The following UGT1A7 variants were observed in gnomAD, a reference collection of about 807,000 sequenced individuals.
UGT1A7 encodes UDP glucuronosyltransferase family 1 member A7.
A neutral mutation model predicts 45.6 loss-of-function variants in UGT1A7; 33 were observed. The observed-to-expected ratio is 0.72, with a 90% CI of 0.55 to 0.97. UGT1A7 has a LOEUF of 0.97. Among genes scored for constraint, UGT1A7 ranks in the 50% least tolerant of loss-of-function variants. UGT1A7 has a pLI of 0.00. For synonymous variants in UGT1A7, 274 were observed against 250.6 expected, an observed-to-expected ratio of 1.09 and a Z score of -0.88; for missense variants, 684 against 666.2, an observed-to-expected ratio of 1.03 and a Z score of -0.29.
chr2:233,684,402 G>A (rs148930228), intron 1 of UGT1A7, among the ~76,000 whole-genome samples: 115 of 152,270 alleles, frequency 7.6e-4, no homozygotes, highest in South Asian at 7.5e-3. Context: ...CCATCACTCA[G>A]GTATTGCCTG....
rs368518074 is a variant in UGT1A7, at chr2:233,743,691, C to A, written c.856-23343C>A. On this transcript the variant is annotated intron_variant, in intron 1 of 4. Coordinates refer to ENST00000373426, the MANE Select transcript of UGT1A7 (RefSeq NM_019077.3). The stretch of plus-strand genomic sequence containing the variant: ...TCGAAGGGCCTGCCGCCTGTGCAGC[C>A]GCCCTCCGCCCCCGCCTCGCCATAG... 5.1e-6 allele frequency: 7 copies of A among 1,367,238 alleles called. No individual in the cohort carries two copies. In the South Asian group the frequency reaches 7.9e-5, roughly 16 times the overall value. 84.7% of individuals were successfully genotyped at this position (1,367,238 alleles called of 1,614,324 possible).
At chr2:233,689,578 A>G (rs1275772555) in intron 1 of UGT1A7, among the ~76,000 whole-genome samples, 1 of 152,200 alleles carries the variant, frequency 6.6e-6, no homozygotes, top group African/African-American at 2.4e-5. Flanking sequence ...CTGATTTGCA[A>G]TTAGCTAAGG....
chr2:233,739,435 C>A (rs1691098956), intron 1 of UGT1A7, among the ~76,000 whole-genome samples: 1 of 152,206 alleles, frequency 6.6e-6, no homozygotes, highest in Admixed American at 6.5e-5. Flanking sequence ...GAGGGCTTTA[C>A]CCTGCAAAGC....
intron 1 of UGT1A7, chr2:233,754,873 T>C (rs763585549): frequency 7.4e-7 from 1 of 1,352,606 alleles, no homozygotes; most frequent in Non-Finnish European, 9.9e-7. Flanking sequence ...CCTCTGCTTC[T>C]GCTTCCCAGG....
rs917335869 is a variant in UGT1A7, at chr2:233,769,898, A to C, written c.1295+1459A>C. 2.9e-6 allele frequency: 1 copy of C among 349,938 alleles called. No individual in the cohort carries two copies. Among genetic ancestry groups the C allele is most frequent in the Non-Finnish European group, 5.1e-6 (1 of 194,280 alleles). The allele number at this position is 349,938 out of a possible 1,614,324, so 21.7% of individuals were successfully genotyped here. Reference sequence around the variant, plus strand: ...AATGAAAAGTCCACATAACCTGAGCATCATGTGCCCAGAGCGTTGGGTGGT... The same window carrying C: ...AATGAAAAGTCCACATAACCTGAGCCTCATGTGCCCAGAGCGTTGGGTGGT... On this transcript the variant is annotated intron_variant, in intron 4 of 4. Transcript: ENST00000373426. The surrounding 1 kb of genome is among the most constrained non-coding windows in gnomAD (Gnocchi z 4.4).
chr2:233,699,035 A>G (rs2075478622), intron 1 of UGT1A7, among the ~76,000 whole-genome samples: 1 of 152,230 alleles, frequency 6.6e-6, no homozygotes, highest in Non-Finnish European at 1.5e-5. Context: ...AGGCAGTCCC[A>G]GATGTCCTGA....
intron 1 of UGT1A7, among the ~76,000 whole-genome samples, chr2:233,735,931 CT>C (rs1190585713): frequency 6.6e-6 from 1 of 152,166 alleles, no homozygotes; most frequent in Non-Finnish European, 1.5e-5. Flanking sequence ...TTCTCTGTGG[CT>C]GCCCTTAACA....
intron 1 of UGT1A7, among the ~76,000 whole-genome samples, chr2:233,687,548 T>A (rs1178051446): frequency 8.0e-6 from 1 of 124,724 alleles, no homozygotes; most frequent in Non-Finnish European, 1.6e-5. Context: ...CTCAAGTAAG[T>A]GGGGGAGCCA....
chr2:233,722,439 G>C (rs1180645142), intron 1 of UGT1A7, among the ~76,000 whole-genome samples: 1 of 152,066 alleles, frequency 6.6e-6, no homozygotes, highest in African/African-American at 2.4e-5. Context: ...TTATTTGATT[G>C]GTCTTCTCAA....
chr2:233,693,250 T>C lies in UGT1A7; in HGVS notation c.855+10458T>C, dbSNP rs139492272. The C allele has an allele frequency of 2.5e-6, 4 of 1,614,198 alleles. No individual in the cohort carries two copies. The African/African-American group carries it at 4.0e-5, about 16-fold the overall frequency. On this transcript the variant is annotated intron_variant, in intron 1 of 4. Coordinates refer to ENST00000373426, the MANE Select transcript of UGT1A7 (RefSeq NM_019077.3). ...CAAGAAAAATCTATCCAGTGCCGTA[T>C]GACCAAGAAGAGCTGAAGAACCGTT...
chr2:233,769,665 G>A lies in UGT1A7; in HGVS notation c.1295+1226G>A. 6.3e-7 allele frequency: 1 copy of A among 1,592,194 alleles called. No individual in the cohort carries two copies. Among genetic ancestry groups the A allele is most frequent in the Non-Finnish European group, 8.6e-7 (1 of 1,169,328 alleles). On this transcript the variant is annotated intron_variant, in intron 4 of 4. Transcript: ENST00000373426. The surrounding 1 kb of genome is among the most constrained non-coding windows in gnomAD (Gnocchi z 4.4). ...TGATGACTGACTTCCCACCTTTGAG[G>A]TGCTAATGTGTGTGTGGTGGCACTG...
At chr2:233,748,449 C>G (rs756497529) in intron 1 of UGT1A7, among the ~76,000 whole-genome samples, 2 of 151,714 alleles carry the variant, frequency 1.3e-5, no homozygotes, top group Non-Finnish European at 2.9e-5. Context: ...GCACAATTTT[C>G]AGGGGAAAGA....
intron 1 of UGT1A7, among the ~76,000 whole-genome samples, chr2:233,694,985 A>T (rs550950022): frequency 2.0e-5 from 3 of 152,288 alleles, no homozygotes; most frequent in Admixed American, 2.0e-4. Context: ...TTATGTTGGG[A>T]ACATTCCCAT....
At position 233,718,978 on chromosome 2, in the gene UGT1A7, C is replaced by G. The variant is rs200639166; in HGVS notation, c.855+36186C>G. 2.5e-6 allele frequency: 4 copies of G among 1,614,214 alleles called. No individual in the cohort carries two copies. Among genetic ancestry groups the G allele is most frequent in the Admixed American group, 3.3e-5 (2 of 60,032 alleles). The stretch of plus-strand genomic sequence containing the variant: ...CGGGAGGCCTTGCGGGAGCTCCATG[C>G]CAGAGGCCACCAGGCGGTGGTCCTC... On this transcript the variant is annotated intron_variant, in intron 1 of 4. Coordinates refer to ENST00000373426, the MANE Select transcript of UGT1A7 (RefSeq NM_019077.3).
chr2:233,770,723 A>G (rs1412747955), intron 4 of UGT1A7: 1 of 152,146 alleles, frequency 6.6e-6, no homozygotes, highest in African/African-American at 2.4e-5. Context: ...AAGGAAGATG[A>G]TATTTAACAT....
At position 233,714,698 on chromosome 2, in the gene UGT1A7, T is replaced by G. The variant is rs28899185; in HGVS notation, c.855+31906T>G. On this transcript the variant is annotated intron_variant, in intron 1 of 4. Transcript: ENST00000373426. ...AATATTATCCTTTCAACATGTGAAC[T>G]GTTTAACGTAGCTTTTTTTGTTGTT... 4.8e-3 allele frequency among the ~76,000 whole-genome samples: 731 copies of G among 152,338 alleles called. 10 individuals are homozygous for G. The highest frequency in any genetic ancestry group is 0.017 in the African/African-American group (696 of 41,576).
chr2:233,715,999 A>C (rs2076482577), intron 1 of UGT1A7, among the ~76,000 whole-genome samples: 1 of 152,184 alleles, frequency 6.6e-6, no homozygotes, highest in African/African-American at 2.4e-5. Flanking sequence ...ACAAAACCCA[A>C]AATGACTTTA....
At chr2:233,697,567 A>T (rs1248890446) in intron 1 of UGT1A7, among the ~76,000 whole-genome samples, 1 of 148,818 alleles carries the variant, frequency 6.7e-6, no homozygotes, top group African/African-American at 2.5e-5. Context: ...GCCTCAATTT[A>T]ATTTATTTTT....
chr2:233,732,507 C>A (rs2125772065), intron 1 of UGT1A7, among the ~76,000 whole-genome samples: 1 of 152,338 alleles, frequency 6.6e-6, no homozygotes, highest in Admixed American at 6.5e-5. Context: ...GGAAGGGATC[C>A]TGTTCCAGCT....
Sources: allele counts gnomAD v4.1 joint callset (sites outside exome capture counted in the v4.1 genomes callset), GRCh38; gene constraint gnomAD v4.1.1; non-coding constraint Gnocchi (gnomAD v3.1); transcripts MANE v1.5; gene names NCBI Gene and HGNC (gene_info 2026-07-23, HGNC 2026-07-21).